The following EHBP1 variants were observed in gnomAD, a reference collection of about 807,000 sequenced individuals.
The protein encoded by EHBP1 is EH domain-binding protein 1.
Under a neutral mutation model 144.0 loss-of-function variants are expected in EHBP1, and 55 were observed. That is an observed-to-expected ratio of 0.38 (90% confidence interval 0.31 to 0.48). The LOEUF is 0.48. Ranked by LOEUF, EHBP1 falls within the 20% of genes least tolerant of loss-of-function variation. The pLI is 0.98. For synonymous variants in EHBP1, 469 were observed against 472.7 expected (o/e 0.99, Z 0.10); for missense variants, 1,200 against 1,364.2 (o/e 0.88, Z 1.90).
At chr2:62,951,063 CA>C (rs2057352414) in intron 13 of EHBP1, among the ~76,000 whole-genome samples, 1 of 152,186 alleles carries the variant, frequency 6.6e-6, no homozygotes, top group African/African-American at 2.4e-5. Context: ...TTGATAATGG[CA>C]CTTTCTTGGC....
At chr2:62,771,472 G>T in intron 5 of EHBP1, 80 bp downstream of exon 5, 2 of 1,098,224 alleles carry the variant, frequency 1.8e-6, no homozygotes, top group Non-Finnish European at 1.3e-6. Context: ...GCATTTTGGT[G>T]GTAGGAAAAA....
At chr2:62,997,453 TGTGTGTG>T in intron 19 of EHBP1, among the ~76,000 whole-genome samples, 1 of 151,270 alleles carries the variant, frequency 6.6e-6, no homozygotes, top group Non-Finnish European at 1.5e-5. Context: ...TGTGTGTGTG[TGTGTGTG>T]TGTGTGTGTG....
rs370500912 is a variant in EHBP1 at position 62,948,770 on chromosome 2, T to A, written c.1924T>A (p.Ser642Thr). ...DDPGICSNTD[S>T]TQAQVLLGKK... ...CCCTGGAATATGTTCCAATACAGAT[T>A]CAACCCAAGCACAGGTTTTGTTAGG... The change falls in exon 13 of 23, where the codon TCA becomes ACA. Residue 642 changes from serine to threonine, a missense_variant. Transcript: ENST00000431489. 13 of 1,613,990 alleles carry A rather than the reference T, an allele frequency of 8.1e-6. No individual in the cohort carries two copies. In the African/African-American group the frequency reaches 1.3e-4, roughly 17 times the overall value.
chr2:62,948,593 G>C lies in EHBP1; in HGVS notation c.1747G>C (p.Asp583His). Residue 583 changes from aspartate (D) to histidine (H), a missense_variant, in exon 13 of 23, where the codon GAT (aspartate) becomes CAT (histidine). Asp to His is a moderately conservative substitution (Grantham distance 81). Coordinates refer to ENST00000431489, the MANE Select transcript of EHBP1 (RefSeq NM_001142616.3). The stretch of plus-strand genomic sequence containing the variant: ...ACAGGATGACTCTGTATTTGTAAAT[G>C]ATAGCGGGGTTGGAGAGTCAGAAAG... ...LSQDDSVFVN[D>H]SGVGESESEH... is the part of the protein sequence containing the mutation. 6.2e-7 allele frequency: 1 copy of C among 1,614,038 alleles called. No individual in the cohort carries two copies. The highest frequency in any genetic ancestry group is 1.1e-5 in the South Asian group (1 of 91,076).
chr2:62,788,873 A>T (rs2042989303), intron 5 of EHBP1, among the ~76,000 whole-genome samples: 1 of 152,208 alleles, frequency 6.6e-6, no homozygotes, highest in Non-Finnish European at 1.5e-5. Flanking sequence ...AATCTATGAA[A>T]CGCCACTCAT....
chr2:63,021,886 C>T (rs1208715090), intron 19 of EHBP1, among the ~76,000 whole-genome samples: 1 of 151,970 alleles, frequency 6.6e-6, no homozygotes, highest in Non-Finnish European at 1.5e-5. Context: ...CCTGCCTCAG[C>T]CTTCTGAGTA....
chr2:62,795,578 T>G (rs2043480854), intron 5 of EHBP1, among the ~76,000 whole-genome samples: 2 of 152,064 alleles, frequency 1.3e-5, no homozygotes, highest in Non-Finnish European at 2.9e-5. Context: ...AAAACTGGCT[T>G]TACTCTCATG....
intron 19 of EHBP1, among the ~76,000 whole-genome samples, chr2:63,017,742 TCTC>T (rs1343619394): frequency 2.0e-5 from 3 of 152,258 alleles, no homozygotes; most frequent in African/African-American, 4.8e-5. Flanking sequence ...ATTGTTCTCT[TCTC>T]ACATTTCTAC....
intron 1 of EHBP1, chr2:62,706,398 C>T (rs1283270141): frequency 6.6e-6 from 1 of 152,364 alleles, no homozygotes; most frequent in African/African-American, 2.4e-5. Context: ...TCCCTCCACT[C>T]CTCGTTCCCC....
At chr2:63,039,064 A>G (rs541187491) in intron 21 of EHBP1, among the ~76,000 whole-genome samples, 117 of 152,324 alleles carry the variant, frequency 7.7e-4, no homozygotes, top group African/African-American at 2.5e-3. Flanking sequence ...GTAAGCTTAT[A>G]TGTCCATAAA....
intron 5 of EHBP1, among the ~76,000 whole-genome samples, chr2:62,804,512 G>A (rs933634950): frequency 6.6e-6 from 1 of 152,072 alleles, no homozygotes; most frequent in Non-Finnish European, 1.5e-5. Context: ...TTATTAAATC[G>A]GTGGGTAAAG....
At chr2:62,823,571 G>A (rs1021166281) in intron 5 of EHBP1, among the ~76,000 whole-genome samples, 2 of 151,990 alleles carry the variant, frequency 1.3e-5, no homozygotes, top group Admixed American at 6.6e-5. Context: ...TTATAGAACC[G>A]ATTATAGCAA....
upstream of EHBP1, among the ~76,000 whole-genome samples, chr2:62,703,459 T>C (rs2034337900): frequency 6.6e-6 from 1 of 152,216 alleles, no homozygotes; most frequent in African/African-American, 2.4e-5. Flanking sequence ...ATACAGGTTG[T>C]TTTTTAAAAT....
intron 5 of EHBP1, among the ~76,000 whole-genome samples, chr2:62,796,935 A>G (rs2043579879): frequency 6.6e-6 from 1 of 151,858 alleles, no homozygotes; most frequent in Non-Finnish European, 1.5e-5. Flanking sequence ...ACACACACAT[A>G]TACACTGTTT....
intron 5 of EHBP1, among the ~76,000 whole-genome samples, chr2:62,807,543 C>T (rs533740960): frequency 2.0e-5 from 3 of 151,802 alleles, no homozygotes; most frequent in Non-Finnish European, 4.4e-5. Flanking sequence ...AGCGAAACTC[C>T]GCCTCAAAAA....
rs531809407 is a variant in EHBP1 at position 62,882,788 on chromosome 2, A to G, written c.1185+8256A>G. ...TCCCAGCTACTCAGGAGGCTGAGAC[A>G]GGAGAATTGCTTGAACCCAGGAGGC... is the stretch of plus-strand genomic sequence containing the variant. On this transcript the variant is annotated intron_variant, in intron 10 of 22. Transcript: ENST00000431489. Among the ~76,000 whole-genome samples, 5 of 152,272 alleles carry G rather than the reference A, an allele frequency of 3.3e-5. No individual in the cohort carries two copies. In the South Asian group the frequency reaches 8.3e-4, roughly 25 times the overall value.
At chr2:62,687,036 C>A (rs1021446892) in intron 1 of EHBP1, among the ~76,000 whole-genome samples, 1 of 152,220 alleles carries the variant, frequency 6.6e-6, no homozygotes, top group African/African-American at 2.4e-5. Context: ...CAAATCCACA[C>A]TGCCAACCCA....
chr2:62,884,571 TC>T (rs1433177848), intron 10 of EHBP1, among the ~76,000 whole-genome samples: 11 of 152,304 alleles, frequency 7.2e-5, no homozygotes, highest in African/African-American at 2.6e-4. Flanking sequence ...ATATTTGAGT[TC>T]ATTTAAGATT....
At chr2:62,863,907 C>T (rs1418954766) in intron 8 of EHBP1, among the ~76,000 whole-genome samples, 5 of 118,612 alleles carry the variant, frequency 4.2e-5, no homozygotes, top group Admixed American at 1.2e-4. Flanking sequence ...AGTTCAGTGG[C>T]GCAGTCTCAG....
Sources: gnomAD v4.1 joint callset for allele counts (sites outside exome capture counted in the v4.1 genomes callset) on GRCh38, gnomAD v4.1.1 for gene constraint, MANE v1.5 for transcripts, NCBI Gene and HGNC (gene_info 2026-07-23, HGNC 2026-07-21) for gene names.